Variants in PTPRD observed in about 807,000 individuals in gnomAD.
PTPRD encodes the protein protein tyrosine phosphatase receptor type D.
In PTPRD, 34 loss-of-function variants were observed where a neutral mutation model predicts 214.5. The observed-to-expected ratio is 0.16, with a 90% CI of 0.12 to 0.21. PTPRD has a LOEUF of 0.21. PTPRD is among the 10% of genes least tolerant of loss of function. PTPRD has a pLI of 1.00. For missense variants in PTPRD, 2,545 were observed against 2,398.7 expected, an observed-to-expected ratio of 1.06 and a Z score of -1.27; for synonymous variants, 1,128 against 845.7, an observed-to-expected ratio of 1.33 and a Z score of -5.79.
chr9:9,541,306 G>T (rs1489124807), intron 8 of PTPRD, among the ~76,000 whole-genome samples: 2 of 151,698 alleles, frequency 1.3e-5, no homozygotes, highest in Admixed American at 6.6e-5. Context: ...GGAAATTGAG[G>T]TTATACTACT....
intron 3 of PTPRD, among the ~76,000 whole-genome samples, chr9:10,086,959 T>C (rs906275484): frequency 6.6e-6 from 1 of 151,774 alleles, no homozygotes; most frequent in African/African-American, 2.4e-5. Flanking sequence ...ATTAAGACTG[T>C]GATTTTGGAC....
At chr9:9,429,030 G>A (rs960296993) in intron 8 of PTPRD, among the ~76,000 whole-genome samples, 10 of 151,896 alleles carry the variant, frequency 6.6e-5, no homozygotes, top group Admixed American at 3.9e-4. Flanking sequence ...AAAAGCTAGC[G>A]GAAGTCAAGA....
intron 3 of PTPRD, among the ~76,000 whole-genome samples, chr9:10,232,517 C>T (rs75154419): frequency 1.4e-4 from 21 of 152,032 alleles, no homozygotes; most frequent in East Asian, 3.9e-4. Flanking sequence ...CGATTTGTAT[C>T]ATATTCAGGC....
chr9:10,328,648 AG>A (rs1005325482), intron 3 of PTPRD, among the ~76,000 whole-genome samples: 1 of 151,812 alleles, frequency 6.6e-6, no homozygotes, highest in Non-Finnish European at 1.5e-5. Context: ...ATGCACCAAG[AG>A]AAAATATTTG....
At chr9:8,462,917 A>T (rs2096453967) in intron 32 of PTPRD, among the ~76,000 whole-genome samples, 1 of 151,906 alleles carries the variant, frequency 6.6e-6, no homozygotes, top group Non-Finnish European at 1.5e-5. Flanking sequence ...ATTTGTGTTT[A>T]TATGCTTAAA....
At chr9:10,315,502 T>C (rs2096397869) in intron 3 of PTPRD, among the ~76,000 whole-genome samples, 1 of 151,980 alleles carries the variant, frequency 6.6e-6, no homozygotes, top group Non-Finnish European at 1.5e-5. Context: ...GGGTTACTTT[T>C]AAATTTATTA....
At chr9:8,930,225 C>A (rs1266387923) in intron 11 of PTPRD, among the ~76,000 whole-genome samples, 1 of 149,964 alleles carries the variant, frequency 6.7e-6, no homozygotes, top group Non-Finnish European at 1.5e-5. Context: ...GTTTTTTTGT[C>A]CTTGCGATAG....
intron 5 of PTPRD, among the ~76,000 whole-genome samples, chr9:9,778,601 C>T (rs1203286084): frequency 3.3e-5 from 5 of 152,152 alleles, no homozygotes; most frequent in African/African-American, 4.8e-5. Context: ...CCCTCCCATG[C>T]TCCCTGTCTG....
intron 8 of PTPRD, among the ~76,000 whole-genome samples, chr9:9,421,997 A>C (rs528191305): frequency 3.0e-4 from 45 of 152,262 alleles, no homozygotes; most frequent in East Asian, 1.2e-3. Flanking sequence ...TGAAAAAAAA[A>C]ACAAAAAAAC....
intron 14 of PTPRD, among the ~76,000 whole-genome samples, chr9:8,577,447 G>A (rs2092558481): frequency 6.6e-6 from 1 of 152,032 alleles, no homozygotes; most frequent in African/African-American, 2.4e-5. Flanking sequence ...TACAGACAGG[G>A]TTTCTCCATG....
chr9:10,235,329 C>T (rs572724801), intron 3 of PTPRD, among the ~76,000 whole-genome samples: 4 of 151,858 alleles, frequency 2.6e-5, no homozygotes, highest in Non-Finnish European at 5.9e-5. Context: ...TGTAGGTATG[C>T]CAAAATGTAC....
At chr9:8,391,777 C>G (rs1247495879) in intron 36 of PTPRD, among the ~76,000 whole-genome samples, 2 of 152,104 alleles carry the variant, frequency 1.3e-5, no homozygotes, top group Admixed American at 1.3e-4. Context: ...TGCCACCTCC[C>G]CCCTTATCAA....
intron 9 of PTPRD, among the ~76,000 whole-genome samples, chr9:9,311,707 T>C (rs539331567): frequency 1.1e-3 from 168 of 152,308 alleles, no homozygotes; most frequent in Non-Finnish European, 1.4e-3. Context: ...TACAATGTTA[T>C]CATTATAGAA....
rs1376024683 is a variant in PTPRD at position 9,250,645 on chromosome 9, T to C, written c.-202-67282A>G. Among the ~76,000 whole-genome samples, 3 of 152,076 alleles carry C rather than the reference T, an allele frequency of 2.0e-5. No individual in the cohort carries two copies. The East Asian group carries it at 5.8e-4, about 30-fold the overall frequency. On this transcript the variant is annotated intron_variant, in intron 9 of 45. Transcript: ENST00000381196. ...TGATAAAATGTTTTGCATTTCAGTG[T>C]CAGAAAATTTGGTCTGCCTTTTAGA...
Position 9,604,364 on chromosome 9 carries a change from C to CAT in PTPRD, c.-286-29585_-286-29584dup, listed in dbSNP as rs372143226. Among the ~76,000 whole-genome samples, 362 of 152,072 alleles carry CAT rather than the reference C, an allele frequency of 2.4e-3. 1 individual carries two copies. The highest frequency in any genetic ancestry group is 8.0e-3 in the African/African-American group (332 of 41,510). ...TATTCAACTTAAGCAAGGGTATAAG[C>CAT]ATATTTTGTGAGGGAAATATTTGGC... On this transcript the variant is annotated intron_variant, in intron 7 of 45. Transcript: ENST00000381196.
At chr9:10,389,166 G>A (rs1367642818) in intron 2 of PTPRD, among the ~76,000 whole-genome samples, 2 of 151,706 alleles carry the variant, frequency 1.3e-5, no homozygotes. Context: ...TGTACATAGA[G>A]GCTGCAAACC....
chr9:8,941,625 T>C (rs541785959), intron 11 of PTPRD, among the ~76,000 whole-genome samples: 48 of 152,202 alleles, frequency 3.2e-4, no homozygotes, highest in Admixed American at 1.2e-3. Context: ...AAGTACTACA[T>C]CCATGAAAAA....
At chr9:8,726,101 G>A (rs2098554445) in intron 12 of PTPRD, among the ~76,000 whole-genome samples, 1 of 151,230 alleles carries the variant, frequency 6.6e-6, no homozygotes, top group African/African-American at 2.4e-5. Context: ...AAAGCAAACT[G>A]AAGAAAAAAG....
chr9:9,097,440 G>T (rs989198687), intron 10 of PTPRD, among the ~76,000 whole-genome samples: 3 of 148,794 alleles, frequency 2.0e-5, no homozygotes, highest in Non-Finnish European at 3.0e-5. Context: ...ATGGAGTCTC[G>T]CTCTGTCACC....
Sources: gnomAD v4.1 joint callset for allele counts (sites outside exome capture counted in the v4.1 genomes callset) on GRCh38, gnomAD v4.1.1 for gene constraint, MANE v1.5 for transcripts, NCBI Gene and HGNC (gene_info 2026-07-23, HGNC 2026-07-21) for gene names.